ZNF423: variants seen among roughly 807,000 people sequenced by gnomAD.
The protein encoded by ZNF423 is zinc finger protein 423.
ZNF423 carries 12 observed loss-of-function variants against 95.8 expected under a neutral mutation model. That is an observed-to-expected ratio of 0.13 (90% CI 0.08 to 0.20). ZNF423 has a LOEUF of 0.20. Ranked by LOEUF, ZNF423 falls within the 10% of genes least tolerant of loss-of-function variation. ZNF423 has a pLI of 1.00. For synonymous variants in ZNF423, 749 were observed against 711.9 expected (o/e 1.05, Z -0.83); for missense variants, 1,316 against 1,737.1 (o/e 0.76, Z 4.31).
At chr16:49,644,805 C>T (rs1428919682) in intron 3 of ZNF423, among the ~76,000 whole-genome samples, 5 of 151,886 alleles carry the variant, frequency 3.3e-5, no homozygotes, top group African/African-American at 9.7e-5. Flanking sequence ...ACTGCAGGGT[C>T]GCCTGGGTGC....
At chr16:49,728,702 A>G (rs2033088831) in intron 3 of ZNF423, among the ~76,000 whole-genome samples, 1 of 151,334 alleles carries the variant, frequency 6.6e-6, no homozygotes, top group Non-Finnish European at 1.5e-5. Flanking sequence ...TCCTTTTTCC[A>G]CCTAGAAGTG....
intron 5 of ZNF423, among the ~76,000 whole-genome samples, chr16:49,567,138 C>A (rs116099415): frequency 6.6e-6 from 1 of 152,156 alleles, no homozygotes; most frequent in Non-Finnish European, 1.5e-5. Context: ...CAGAAAGGAA[C>A]AGAGACTTGC....
intron 5 of ZNF423, among the ~76,000 whole-genome samples, chr16:49,619,285 T>C (rs1384581620): frequency 1.3e-5 from 2 of 152,206 alleles, no homozygotes; most frequent in South Asian, 2.1e-4. Flanking sequence ...CCGAGGATTT[T>C]AATAGTGTTT....
At chr16:49,605,834 A>T (rs1971520380) in intron 5 of ZNF423, among the ~76,000 whole-genome samples, 1 of 152,204 alleles carries the variant, frequency 6.6e-6, no homozygotes, top group African/African-American at 2.4e-5. Context: ...AGGCCAATAG[A>T]CTGTGAAACA....
intron 1 of ZNF423, among the ~76,000 whole-genome samples, chr16:49,850,418 G>A (rs986437409): frequency 5.9e-5 from 9 of 152,168 alleles, no homozygotes; most frequent in South Asian, 2.1e-4. Flanking sequence ...ACAGTGTATC[G>A]GGGTTTTCCT....
At chr16:49,538,595 C>T (rs948149078) in intron 5 of ZNF423, among the ~76,000 whole-genome samples, 1 of 152,212 alleles carries the variant, frequency 6.6e-6, no homozygotes, top group African/African-American at 2.4e-5. Context: ...AAGCTGCACT[C>T]TTCTGCCAGG....
upstream of ZNF423, among the ~76,000 whole-genome samples, chr16:49,857,423 C>T (rs1469898148): frequency 6.6e-6 from 1 of 151,950 alleles, no homozygotes; most frequent in African/African-American, 2.4e-5. This position sits in a 1 kb window ranked among gnomAD's most constrained non-coding sequence, Gnocchi z 6.2. Flanking sequence ...CACTTAGGGC[C>T]CACGCGGCTG....
Position 49,621,034 on chromosome 16 carries a change from C to T in ZNF423, c.3601+5136G>A, listed in dbSNP as rs188080800. ...GCCTCCCTCTCTCTCCTTCAGCAGC[C>T]CCCCCGGGGAGCCCAAGGCAGGGGC... On this transcript the variant is annotated intron_variant, in intron 5 of 7. Transcript: ENST00000563137. 3.0e-4 allele frequency among the ~76,000 whole-genome samples: 46 copies of T among 152,180 alleles called. No homozygotes were observed. The East Asian group carries it at 7.7e-3, about 26-fold the overall frequency.
At chr16:49,580,891 T>C (rs1036912881) in intron 5 of ZNF423, among the ~76,000 whole-genome samples, 2 of 152,056 alleles carry the variant, frequency 1.3e-5, no homozygotes, top group Non-Finnish European at 2.9e-5. Flanking sequence ...GTGACCAGAA[T>C]ACCAGAGTTC....
At chr16:49,828,347 C>G (rs1169422343) in intron 1 of ZNF423, among the ~76,000 whole-genome samples, 1 of 152,244 alleles carries the variant, frequency 6.6e-6, no homozygotes, top group East Asian at 1.9e-4. Context: ...AGGCAACAGT[C>G]TGGCAAATGA....
At chr16:49,824,156 A>T (rs939265656) in intron 1 of ZNF423, among the ~76,000 whole-genome samples, 1 of 152,114 alleles carries the variant, frequency 6.6e-6, no homozygotes, top group Non-Finnish European at 1.5e-5. Flanking sequence ...CTGGGGGGGA[A>T]TGTCCCAAAA....
intron 1 of ZNF423, among the ~76,000 whole-genome samples, chr16:49,853,064 C>G (rs1260424467): frequency 6.6e-6 from 1 of 152,124 alleles, no homozygotes; most frequent in Non-Finnish European, 1.5e-5. Flanking sequence ...TACAGTCAAG[C>G]GACTTTCACA....
intron 7 of ZNF423, among the ~76,000 whole-genome samples, chr16:49,504,275 T>C (rs532579475): frequency 2.0e-5 from 3 of 152,162 alleles, no homozygotes; most frequent in African/African-American, 7.2e-5. Flanking sequence ...ATTTTTACAA[T>C]GAAAAACAGG....
Position 49,769,374 on chromosome 16 carries a change from G to GA in ZNF423, c.100+20112dup, listed in dbSNP as rs113088648. Among the ~76,000 whole-genome samples the GA allele has an allele frequency of 4.1e-5, 6 of 147,642 alleles. No homozygotes were observed. The South Asian group carries it at 6.4e-4, about 16-fold the overall frequency. Reference sequence around the variant, plus strand: ...TGTCTCAAAAAAAAAAAGAAAAAAAGAAAAGAAAAAGAAAGAAAGAAAAGG... The same window carrying GA: ...TGTCTCAAAAAAAAAAAGAAAAAAAGAAAAAGAAAAAGAAAGAAAGAAAAGG... On this transcript the variant is annotated intron_variant, in intron 2 of 7. Transcript: ENST00000563137.
At chr16:49,551,423 T>C (rs75081890) in intron 5 of ZNF423, among the ~76,000 whole-genome samples, 1,879 of 152,282 alleles carry the variant, frequency 0.012, 43 homozygotes, top group African/African-American at 0.041. Flanking sequence ...AAGAGACACA[T>C]TCTAAGTACC....
chr16:49,527,811 A>T (rs1393445460), intron 5 of ZNF423, among the ~76,000 whole-genome samples: 1 of 151,906 alleles, frequency 6.6e-6, no homozygotes, highest in Non-Finnish European at 1.5e-5. Context: ...ATATGCATGT[A>T]CCCCCGCCAT....
chr16:49,820,698 A>G (rs574733657), intron 1 of ZNF423, among the ~76,000 whole-genome samples: 1 of 152,340 alleles, frequency 6.6e-6, no homozygotes, highest in African/African-American at 2.4e-5. Flanking sequence ...TCTTTTCCCT[A>G]CAAGATCCCA....
intron 1 of ZNF423, among the ~76,000 whole-genome samples, chr16:49,815,112 G>A (rs1033608789): frequency 2.0e-5 from 3 of 152,118 alleles, no homozygotes; most frequent in Non-Finnish European, 2.9e-5. Flanking sequence ...TGTGAACTTC[G>A]GCAAGTTACT....
At chr16:49,568,527 T>C (rs981127186) in intron 5 of ZNF423, among the ~76,000 whole-genome samples, 19 of 152,262 alleles carry the variant, frequency 1.2e-4, no homozygotes, top group Admixed American at 5.2e-4. Flanking sequence ...ACAAGGTATG[T>C]ATGCCTCCTA....
Sources: allele counts gnomAD v4.1 joint callset (sites outside exome capture counted in the v4.1 genomes callset), GRCh38; gene constraint gnomAD v4.1.1; non-coding constraint Gnocchi (gnomAD v3.1); transcripts MANE v1.5; gene names NCBI Gene and HGNC (gene_info 2026-07-23, HGNC 2026-07-21).